The following MARCHF1 variants were observed in gnomAD, a reference collection of about 807,000 sequenced individuals.
The protein encoded by MARCHF1 is membrane associated ring-CH-type finger 1, also known as E3 ubiquitin-protein ligase MARCHF1.
A neutral mutation model predicts 54.2 loss-of-function variants in MARCHF1; 40 were observed. The ratio of observed to expected loss-of-function variants is 0.74; its 90% CI spans 0.57 to 0.96. MARCHF1 has a LOEUF of 0.96. Among genes scored for constraint, MARCHF1 ranks in the 40% least tolerant of loss-of-function variants. MARCHF1 has a pLI of 0.00. For missense variants in MARCHF1, 586 were observed against 656.5 expected (o/e 0.89, Z 1.17); for synonymous variants, 236 against 236.3 (o/e 1.00, Z 0.01).
Position 163,845,334 on chromosome 4 carries a change from A to G in MARCHF1, c.111+8687T>C, listed in dbSNP as rs544474997. Among the ~76,000 whole-genome samples the G allele has an allele frequency of 1.2e-3, 184 of 152,258 alleles. 2 individuals carry two copies. The Middle Eastern group carries it at 0.048, about 39-fold the overall frequency. On this transcript the variant is annotated intron_variant, in intron 4 of 9. Coordinates refer to ENST00000514618, the MANE Select transcript of MARCHF1 (RefSeq NM_001394959.1). ...AAAACCAAGCTGACTCAACAAAGACAAGGCTAATCTGTCCTGCCTGCTCCA... is the reference window on the plus strand; with the variant it reads ...AAAACCAAGCTGACTCAACAAAGACGAGGCTAATCTGTCCTGCCTGCTCCA...
At chr4:164,118,383 A>G (rs1403451649) in intron 1 of MARCHF1, among the ~76,000 whole-genome samples, 2 of 151,148 alleles carry the variant, frequency 1.3e-5, no homozygotes, top group African/African-American at 2.4e-5. Context: ...GAAACATACA[A>G]AGTTAAAAGA....
intron 4 of MARCHF1, among the ~76,000 whole-genome samples, chr4:163,775,858 G>A (rs1747290984): frequency 6.6e-6 from 1 of 152,148 alleles, no homozygotes; most frequent in African/African-American, 2.4e-5. Flanking sequence ...GTCAAGAAGA[G>A]AGAGAGGATT....
chr4:163,724,848 C>T (rs1464220098), intron 4 of MARCHF1, among the ~76,000 whole-genome samples: 2 of 151,792 alleles, frequency 1.3e-5, no homozygotes, highest in Non-Finnish European at 2.9e-5. Flanking sequence ...TTTGCTAAGA[C>T]CATTGGAAAA....
intron 3 of MARCHF1, among the ~76,000 whole-genome samples, chr4:163,964,767 G>A (rs1421921140): frequency 6.6e-6 from 1 of 151,768 alleles, no homozygotes; most frequent in Non-Finnish European, 1.5e-5. Flanking sequence ...CCATCTACTA[G>A]GATGTCCTCC....
intron 1 of MARCHF1, among the ~76,000 whole-genome samples, chr4:164,374,338 A>G (rs570439083): frequency 4.7e-4 from 71 of 152,288 alleles, no homozygotes; most frequent in African/African-American, 1.7e-3. Context: ...TCTTATTATT[A>G]CTAAAAGTAT....
rs372140333 is a variant in MARCHF1 at position 163,578,041 on chromosome 4, G to T, written c.1191+7708C>A. Reference sequence around the variant, plus strand: ...GTTGTAAGTGTGTGTGTGTGTGTATGCTTCTGACTTCTGCACACTCTAACT... The same window carrying T: ...GTTGTAAGTGTGTGTGTGTGTGTATTCTTCTGACTTCTGCACACTCTAACT... On this transcript the variant is annotated intron_variant, in intron 8 of 9. Transcript: ENST00000514618. Among the ~76,000 whole-genome samples, 252 of 151,852 alleles carry T rather than the reference G, an allele frequency of 1.7e-3. 1 individual carries two copies. Among genetic ancestry groups the T allele is most frequent in the African/African-American group, 5.7e-3 (236 of 41,446 alleles).
chr4:164,334,904 A>T (rs1241923510), intron 1 of MARCHF1, among the ~76,000 whole-genome samples: 1 of 152,196 alleles, frequency 6.6e-6, no homozygotes, highest in Non-Finnish European at 1.5e-5. Flanking sequence ...TTTTGCTGAG[A>T]TCAAGACCTC....
chr4:163,843,792 T>G (rs1020378956), intron 4 of MARCHF1, among the ~76,000 whole-genome samples: 1 of 152,060 alleles, frequency 6.6e-6, no homozygotes, highest in Non-Finnish European at 1.5e-5. Flanking sequence ...TATCTATTTT[T>G]TTTTTAACTT....
At chr4:163,745,023 T>C (rs1746315397) in intron 4 of MARCHF1, among the ~76,000 whole-genome samples, 1 of 152,048 alleles carries the variant, frequency 6.6e-6, no homozygotes, top group Admixed American at 6.6e-5. Flanking sequence ...TTACTTATTT[T>C]AAACAGCTTA....
intron 1 of MARCHF1, among the ~76,000 whole-genome samples, chr4:164,288,138 C>T (rs1734196279): frequency 6.6e-6 from 1 of 152,002 alleles, no homozygotes; most frequent in African/African-American, 2.4e-5. Flanking sequence ...GGATGCAATT[C>T]TCAAGGTAAG....
chr4:163,724,423 G>A (rs1234998850), intron 4 of MARCHF1, among the ~76,000 whole-genome samples: 1 of 152,210 alleles, frequency 6.6e-6, no homozygotes, highest in Non-Finnish European at 1.5e-5. Context: ...GCCCCTACTG[G>A]GGGGTGCCTC....
At chr4:163,983,127 G>A (rs1320796399) in intron 3 of MARCHF1, among the ~76,000 whole-genome samples, 7 of 152,176 alleles carry the variant, frequency 4.6e-5, no homozygotes, top group African/African-American at 1.7e-4. Context: ...GGCCTATCCT[G>A]CCTGAGACAA....
At chr4:164,175,638 T>A (rs1284819334) in intron 1 of MARCHF1, among the ~76,000 whole-genome samples, 1 of 152,202 alleles carries the variant, frequency 6.6e-6, no homozygotes, top group Non-Finnish European at 1.5e-5. Flanking sequence ...GTAAGTAGAC[T>A]TAATCTAATC....
At chr4:164,197,487 GC>G (rs758592223) in intron 1 of MARCHF1, 2 of 1,613,556 alleles carry the variant, frequency 1.2e-6, no homozygotes, top group Non-Finnish European at 1.7e-6. Flanking sequence ...ATACTTCCAG[GC>G]CCCCTGAGAC....
chr4:163,874,438 G>A (rs1041534145), intron 3 of MARCHF1, among the ~76,000 whole-genome samples: 1 of 152,170 alleles, frequency 6.6e-6, no homozygotes, highest in African/African-American at 2.4e-5. Context: ...ATACCGAAGT[G>A]ACTGAGATTT....
intron 3 of MARCHF1, among the ~76,000 whole-genome samples, chr4:163,930,314 T>C (rs2111391397): frequency 6.6e-6 from 1 of 151,658 alleles, no homozygotes; most frequent in Middle Eastern, 3.4e-3. Context: ...TTAAACCCCT[T>C]TGGGGAATAG....
intron 8 of MARCHF1, among the ~76,000 whole-genome samples, chr4:163,579,253 T>C (rs1394297173): frequency 6.6e-6 from 1 of 152,230 alleles, no homozygotes; most frequent in Non-Finnish European, 1.5e-5. Flanking sequence ...CACTGCAATA[T>C]TATTTTAGTT....
At chr4:164,333,843 A>G (rs1729650084) in intron 1 of MARCHF1, among the ~76,000 whole-genome samples, 2 of 152,262 alleles carry the variant, frequency 1.3e-5, no homozygotes, top group African/African-American at 4.8e-5. Flanking sequence ...AATGCAAAGG[A>G]AAAGTTCTTG....
At chr4:164,175,915 T>C (rs1730651216) in intron 1 of MARCHF1, among the ~76,000 whole-genome samples, 3 of 152,182 alleles carry the variant, frequency 2.0e-5, no homozygotes, top group Non-Finnish European at 4.4e-5. Flanking sequence ...TACACCCCTG[T>C]AATCTTTTCT....
Sources: allele counts gnomAD v4.1 joint callset (sites outside exome capture counted in the v4.1 genomes callset), GRCh38; gene constraint gnomAD v4.1.1; transcripts MANE v1.5; gene names NCBI Gene and HGNC (gene_info 2026-07-23, HGNC 2026-07-21).